Variants in ACP6 observed in about 807,000 individuals in gnomAD.
ACP6 encodes acid phosphatase 6, lysophosphatidic.
A neutral mutation model predicts 48.1 loss-of-function variants in ACP6; 48 were observed. That is an observed-to-expected ratio of 1.00 (90% CI 0.79 to 1.27). The LOEUF (loss-of-function observed/expected upper bound fraction) is 1.27. Among genes scored for constraint, ACP6 ranks in the 50% most tolerant of loss-of-function variants. ACP6 has a pLI of 0.00. For synonymous variants in ACP6, 172 were observed against 204.2 expected (o/e 0.84, Z 1.34); for missense variants, 485 against 529.1 (o/e 0.92, Z 0.82).
At chr1:147,660,758 T>C (rs1233333691) in intron 1 of ACP6, among the ~76,000 whole-genome samples, 1 of 152,250 alleles carries the variant, frequency 6.6e-6, no homozygotes, top group African/African-American at 2.4e-5. Context: ...TATTTTGTTT[T>C]ATTTTTAATT....
chr1:147,654,992 C>A (rs1241804001), intron 5 of ACP6, among the ~76,000 whole-genome samples, 169 bp downstream of exon 5: 1 of 152,204 alleles, frequency 6.6e-6, no homozygotes, highest in Admixed American at 6.5e-5. Context: ...AACAAGACTT[C>A]TTCGCTTCCT....
chr1:147,630,896 T>C (rs2101635459), exon 6 of ACP6: 1 of 152,354 alleles, frequency 6.6e-6, no homozygotes, highest in South Asian at 2.1e-4. Context: ...CATACAGATT[T>C]ACTTATACAC....
chr1:147,654,008 C>T (rs1341530538), intron 6 of ACP6, among the ~76,000 whole-genome samples, 186 bp downstream of exon 6: 3 of 152,146 alleles, frequency 2.0e-5, no homozygotes, highest in Non-Finnish European at 2.9e-5. Flanking sequence ...GTCTGTGTTC[C>T]TACCTGGGTA....
Position 147,650,238 on chromosome 1 carries a change from C to T in ACP6, c.882G>A (p.Arg294=), listed in dbSNP as rs1553210279. 1 of 1,596,232 alleles carries T rather than the reference C, an allele frequency of 6.3e-7. No individual in the cohort carries two copies. Among genetic ancestry groups the T allele is most frequent in the East Asian group, 2.3e-5 (1 of 43,620 alleles). ...TSLYILPKED[R]ESLQMAVGPF... is the part of the protein sequence containing the mutation. ...GGCCTACTGCCATCTGAAGACTTTCCCTGTGAAAAGTGAACAACATTTAAG... is the reference window on the plus strand; with the variant it reads ...GGCCTACTGCCATCTGAAGACTTTCTCTGTGAAAAGTGAACAACATTTAAG... Residue 294 remains arginine (R), a splice_region_variant and synonymous_variant, in exon 8 of 10, where the codon AGG becomes AGA. Transcript: ENST00000583509.
chr1:147,665,364 T>G (rs1351597022), intron 1 of ACP6, among the ~76,000 whole-genome samples: 2 of 152,218 alleles, frequency 1.3e-5, no homozygotes, highest in Admixed American at 6.5e-5. Flanking sequence ...GAGTTAGACT[T>G]GGCAAGTGAG....
downstream of ACP6, among the ~76,000 whole-genome samples, chr1:147,640,283 C>T (rs1159465717): frequency 6.6e-6 from 1 of 152,142 alleles, no homozygotes; most frequent in East Asian, 1.9e-4. Context: ...GCTCTTATCT[C>T]CAAGGTAGGT....
At chr1:147,660,593 A>AT (rs1443490896) in intron 1 of ACP6, among the ~76,000 whole-genome samples, 1 of 152,206 alleles carries the variant, frequency 6.6e-6, no homozygotes, top group African/African-American at 2.4e-5. Flanking sequence ...ACTGCCTAGA[A>AT]GAAAAGTCCC....
chr1:147,630,029 A>G (rs189254427), exon 6 of ACP6: 6 of 152,364 alleles, frequency 3.9e-5, no homozygotes, highest in Admixed American at 3.9e-4. Context: ...TAGTTAAAGC[A>G]TGGGAAAATT....
At chr1:147,637,719 T>G (rs1659334533), downstream of ACP6, among the ~76,000 whole-genome samples, 1 of 152,234 alleles carries the variant, frequency 6.6e-6, no homozygotes, top group Admixed American at 6.5e-5. Flanking sequence ...GCAACTGATT[T>G]TGAGGCCCCA....
chr1:147,642,936 G>C lies in ACP6; in HGVS notation c.*4487C>G, dbSNP rs1374356891. 6.6e-6 allele frequency: 1 copy of C among 152,208 alleles called. No homozygotes were observed. Among genetic ancestry groups the C allele is most frequent in the Non-Finnish European group, 1.5e-5 (1 of 68,056 alleles). 9.4% of individuals were successfully genotyped at this position (152,208 alleles called of 1,614,324 possible). ...AACAACAGAAATTTATTTCCTCACA[G>C]TGCTAGAGGCTAGAAGTCCAAGATC... is the stretch of plus-strand genomic sequence containing the variant. On this transcript the variant is annotated 3_prime_UTR_variant, in exon 10 of 10. Transcript: ENST00000583509.
rs978886014 is a variant in ACP6, at chr1:147,659,017, G to A, written c.502C>T (p.Arg168Trp). 29 of 1,610,730 alleles carry A rather than the reference G, an allele frequency of 1.8e-5. 1 individual carries two copies. The highest frequency in any genetic ancestry group is 5.5e-5 in the South Asian group (5 of 90,504). Residue 168 changes from arginine (R) to tryptophan (W), a missense_variant, in exon 4 of 10, where the codon CGG becomes TGG. Transcript: ENST00000583509. ...AAACAACGGGTGGACTCCAGATTCC[G>A]AAAAATGTTAGTGGAACGAATACTG... Reference protein sequence around the residue: ...EVFIRSTNIFRNLESTRCLLA... With the variant: ...EVFIRSTNIFWNLESTRCLLA...
In ACP6 at chr1:147,670,423, C is replaced by G. The variant is rs1476353687; in HGVS notation, c.-375G>C. The G allele has an allele frequency of 5.9e-6, 1 of 170,590 alleles. No individual in the cohort carries two copies. Among genetic ancestry groups the G allele is most frequent in the African/African-American group, 2.4e-5 (1 of 42,198 alleles). The allele number at this position is 170,590 out of a possible 1,614,324, so 10.6% of individuals were successfully genotyped here. On this transcript the variant is annotated 5_prime_UTR_variant, in exon 1 of 10. Coordinates refer to ENST00000583509, the MANE Select transcript of ACP6 (RefSeq NM_016361.5). ...AAGGAACAGGAGCCGGCCCTGAGTTCCCTGGCGGCAGCGGCTCCACCAGCA... is the reference window on the plus strand; with the variant it reads ...AAGGAACAGGAGCCGGCCCTGAGTTGCCTGGCGGCAGCGGCTCCACCAGCA...
In ACP6 at chr1:147,652,493, C is replaced by T; in HGVS notation, c.837G>A (p.Gln279=). ...MLKRFARMIE[Q]RAVDTSLYIL... is the part of the protein sequence containing the mutation. ...TGTACAAGGATGTGTCCACAGCTCT[C>T]TGTTCGATCATCCTTGCAAATCTCT... Residue 279 remains glutamine (Q), a synonymous_variant, in exon 7 of 10, where the codon CAG becomes CAA. Coordinates refer to ENST00000583509, the MANE Select transcript of ACP6 (RefSeq NM_016361.5). 6.2e-7 allele frequency: 1 copy of T among 1,614,100 alleles called. No individual in the cohort carries two copies. The highest frequency in any genetic ancestry group is 1.7e-5 in the Admixed American group (1 of 60,012).
At chr1:147,652,584 C>T in intron 6 of ACP6, 35 bp from the exon 7 acceptor site, 1 of 1,613,626 alleles carries the variant, frequency 6.2e-7, no homozygotes, top group Admixed American at 1.7e-5. Flanking sequence ...GAAAAAAATG[C>T]TTCTTACCTA....
intron 5 of ACP6, among the ~76,000 whole-genome samples, chr1:147,632,194 A>ACACAC (rs1659185192): frequency 6.9e-6 from 1 of 145,930 alleles, no homozygotes; most frequent in Non-Finnish European, 1.5e-5. Context: ...ACCTATGCCC[A>ACACAC]ACACACACAC....
chr1:147,653,588 A>G (rs1465582967), intron 6 of ACP6, among the ~76,000 whole-genome samples: 1 of 152,236 alleles, frequency 6.6e-6, no homozygotes. Context: ...TATTTTACAC[A>G]TAAAAGCAAG....
rs782331441 is a variant in ACP6 at position 147,647,374 on chromosome 1, A to AT, written c.*48dup. 1.9e-6 allele frequency: 3 copies of AT among 1,606,236 alleles called. No homozygotes were observed. Among genetic ancestry groups the AT allele is most frequent in the Non-Finnish European group, 2.6e-6 (3 of 1,175,688 alleles). On this transcript the variant is annotated 3_prime_UTR_variant, in exon 10 of 10. Coordinates refer to ENST00000583509, the MANE Select transcript of ACP6 (RefSeq NM_016361.5). ...AAACACACAAAGCAGGAGGCATTGT[A>AT]TAAAGGCACTTTATTTTAAAATCAA...
Position 147,659,468 on chromosome 1 carries a change from C to A in ACP6, c.407G>T (p.Gly136Val). The change falls in exon 3 of 10, where the codon GGA becomes GTA. Residue 136 changes from glycine to valine, a missense_variant. Physicochemically the swap from Gly to Val is moderately radical, Grantham distance 109 (BLOSUM62 -3). Transcript: ENST00000583509. ...CACATAGTTCTTCCTCAGTCTCTCT[C>A]CCAAGGCAAACATTTGCTGCATGCC... ...KVGMQQMFAL[G>V]ERLRKNYVED... 1 of 1,614,228 alleles carries A rather than the reference C, an allele frequency of 6.2e-7. No individual in the cohort carries two copies. Among genetic ancestry groups the A allele is most frequent in the Non-Finnish European group, 8.5e-7 (1 of 1,180,038 alleles).
downstream of ACP6, among the ~76,000 whole-genome samples, chr1:147,637,457 C>A (rs1165657250): frequency 6.6e-6 from 1 of 152,154 alleles, no homozygotes; most frequent in Non-Finnish European, 1.5e-5. Flanking sequence ...ATTTGATATG[C>A]CCTCTGTCTC....
Sources: allele counts gnomAD v4.1 joint callset (sites outside exome capture counted in the v4.1 genomes callset), GRCh38; gene constraint gnomAD v4.1.1; transcripts MANE v1.5; gene names NCBI Gene and HGNC (gene_info 2026-07-23, HGNC 2026-07-21).